Variants in GUK1 observed in about 807,000 individuals in gnomAD.
GUK1 encodes guanylate kinase.
In GUK1, 18 loss-of-function variants were observed where a neutral mutation model predicts 25.2. The ratio of observed to expected loss-of-function variants is 0.71; its 90% CI spans 0.49 to 1.06. The LOEUF is 1.06. Among genes scored for constraint, GUK1 ranks in the 50% least tolerant of loss-of-function variants. GUK1 has a pLI of 0.00. For synonymous variants in GUK1, 105 were observed against 117.6 expected (o/e 0.89, Z 0.69); for missense variants, 261 against 276.7 (o/e 0.94, Z 0.40).
At chr1:228,143,344 A>G (rs2034166232) in intron 2 of GUK1, among the ~76,000 whole-genome samples, 2 of 152,240 alleles carry the variant, frequency 1.3e-5, no homozygotes, top group Admixed American at 1.3e-4. Context: ...TCCAGCCCAC[A>G]GGACCATTTG....
intron 4 of GUK1, 68 bp from the exon 4 acceptor site, chr1:228,146,774 G>C: frequency 9.8e-7 from 1 of 1,022,100 alleles, no homozygotes; most frequent in Middle Eastern, 2.1e-4. Context: ...CTGGGTTGGG[G>C]GCAGCTGGCC....
chr1:228,143,535 A>C (rs2034182774), intron 2 of GUK1, among the ~76,000 whole-genome samples: 1 of 152,168 alleles, frequency 6.6e-6, no homozygotes, highest in Non-Finnish European at 1.5e-5. Flanking sequence ...CCCTGGCGAG[A>C]AGCAGGGGCC....
In GUK1 at chr1:228,140,363, G is replaced by A. The variant is rs745382729; in HGVS notation, c.-168G>A. Reference sequence around the variant, plus strand: ...CGCCCTGGGCCGGGCCCCACCGGACGGTGAGTACGACAAGCGCGATCGCGA... The same window carrying A: ...CGCCCTGGGCCGGGCCCCACCGGACAGTGAGTACGACAAGCGCGATCGCGA... On this transcript the variant is annotated splice_region_variant and 5_prime_UTR_variant, in exon 1 of 9. Coordinates refer to ENST00000312726, the MANE Select transcript of GUK1 (RefSeq NM_000858.7). The A allele has an allele frequency of 4.6e-6, 7 of 1,521,836 alleles. No homozygotes were observed. Among genetic ancestry groups the A allele is most frequent in the Non-Finnish European group, 6.1e-6 (7 of 1,143,090 alleles). The allele number at this position is 1,521,836 out of a possible 1,614,324, so 94.3% of individuals were successfully genotyped here.
At chr1:228,144,065 C>T (rs990654918) in intron 2 of GUK1, among the ~76,000 whole-genome samples, 6 of 146,742 alleles carry the variant, frequency 4.1e-5, no homozygotes, top group East Asian at 4.0e-4. Flanking sequence ...GCTTGGTGTG[C>T]GTGCATTTGT....
At position 228,148,357 on chromosome 1, in the gene GUK1, G is replaced by A. The variant is rs752832467; in HGVS notation, c.476-14G>A. On this transcript the variant is annotated splice_polypyrimidine_tract_variant and intron_variant, in intron 7 of 8. Coordinates refer to ENST00000312726, the MANE Select transcript of GUK1 (RefSeq NM_000858.7). ...ATGGGCTCACTGTGCCCTGACCCCA[G>A]GCCCCACCCACAGGCAAGGAGCCCG... 6.4e-7 allele frequency: 1 copy of A among 1,553,836 alleles called. No homozygotes were observed. The highest frequency in any genetic ancestry group is 1.2e-5 in the South Asian group (1 of 86,416).
intron 7 of GUK1, among the ~76,000 whole-genome samples, chr1:228,147,920 CCT>C (rs2034483458): frequency 6.6e-6 from 1 of 152,134 alleles, no homozygotes; most frequent in Non-Finnish European, 1.5e-5. Context: ...CTCAGATTTC[CCT>C]CTGTTACCCA....
chr1:228,146,948 GCGT>G lies in GUK1; in HGVS notation c.251+11_251+13del. On this transcript the variant is annotated intron_variant, in intron 5 of 8. Coordinates refer to ENST00000312726, the MANE Select transcript of GUK1 (RefSeq NM_000858.7). ...ACCTGTATGGCACGAGGTGGGCCAT[GCGT>G]GGGTGTGGGTGGGCTCCCAGGGTTG... 1 of 1,583,246 alleles carries G rather than the reference GCGT, an allele frequency of 6.3e-7. No homozygotes were observed. Among genetic ancestry groups the G allele is most frequent in the Non-Finnish European group, 8.7e-7 (1 of 1,152,102 alleles).
At chr1:228,141,718 G>A (rs771284620) in intron 2 of GUK1, 3 of 1,318,094 alleles carry the variant, frequency 2.3e-6, no homozygotes, top group East Asian at 1.1e-4. Context: ...CAGCATGGGA[G>A]CCCAGTCCAG....
chr1:228,148,118 T>C (rs1264148007), intron 7 of GUK1: 2 of 607,030 alleles, frequency 3.3e-6, no homozygotes, highest in Non-Finnish European at 6.0e-6. Flanking sequence ...GTGTAGCCCC[T>C]AACCAGAGTC....
At chr1:228,146,670 C>T in intron 4 of GUK1, 172 bp from the exon 4 acceptor site, 2 of 619,186 alleles carry the variant, frequency 3.2e-6, no homozygotes, top group Non-Finnish European at 5.9e-6. Flanking sequence ...CTGGCTCAGG[C>T]ACTTGGCAGC....
intron 2 of GUK1, among the ~76,000 whole-genome samples, chr1:228,142,661 G>A (rs1558110941): frequency 6.6e-6 from 1 of 152,092 alleles, no homozygotes; most frequent in Admixed American, 6.5e-5. Context: ...GTGGTGAAGA[G>A]ACACACCTGC....
Position 228,146,234 on chromosome 1 carries a change from C to T in GUK1, c.154+167C>T, listed in dbSNP as rs1028132152. 6.8e-5 allele frequency: 41 copies of T among 603,562 alleles called. 1 individual carries two copies. The highest frequency in any genetic ancestry group is 1.5e-4 in the African/African-American group (8 of 53,738). The allele number at this position is 603,562 out of a possible 1,614,324, so 37.4% of individuals were successfully genotyped here. A position where few individuals can be genotyped will look rare whatever the true frequency, so the allele number is the denominator to read the frequency against. ...GGTGAACTCAATCAGGGTGTCAGCG[C>T]CACAGCGTGGTGTCGCCTTCCTTGG... On this transcript the variant is annotated intron_variant, in intron 4 of 8. Transcript: ENST00000312726.
intron 1 of GUK1, 55 bp downstream of exon 1, chr1:228,140,418 C>G: frequency 6.9e-6 from 9 of 1,298,678 alleles, no homozygotes; most frequent in Non-Finnish European, 9.2e-6. Context: ...GGCAGCGGTC[C>G]CTGCGCTTTG....
Position 228,141,117 on chromosome 1 carries a change from G to A in GUK1, c.-167-7G>A. ...GTCTTTGGGCTCATGGCCCCTTCCT[G>A]TCTCAGGCTTGCTCTGCTCTTTACC... On this transcript the variant is annotated splice_polypyrimidine_tract_variant and splice_region_variant and intron_variant, in intron 1 of 8. Transcript: ENST00000312726. 1.0e-6 allele frequency: 1 copy of A among 985,340 alleles called. No homozygotes were observed. Among genetic ancestry groups the A allele is most frequent in the Non-Finnish European group, 1.2e-6 (1 of 829,804 alleles). 61.0% of individuals were successfully genotyped at this position (985,340 alleles called of 1,614,324 possible).
At chr1:228,140,177 G>A (rs116709961), upstream of GUK1, 4,138 of 797,786 alleles carry the variant, frequency 5.2e-3, 126 homozygotes, top group African/African-American at 0.061. Context: ...CTTCCCTAAG[G>A]GGCGGGGAAG....
At chr1:228,146,797 G>T in intron 4 of GUK1, 45 bp from the exon 4 acceptor site, 1 of 1,341,634 alleles carries the variant, frequency 7.5e-7, no homozygotes, top group Non-Finnish European at 1.1e-6. Context: ...GGGCACCCTG[G>T]TGCAGGTCCA....
intron 2 of GUK1, among the ~76,000 whole-genome samples, chr1:228,143,332 G>C (rs983044965): frequency 1.3e-5 from 2 of 152,178 alleles, no homozygotes; most frequent in Non-Finnish European, 2.9e-5. Context: ...GCTCACATGG[G>C]GTCCAGCCCA....
chr1:228,146,604 A>G (rs2034390677), intron 4 of GUK1: 1 of 540,340 alleles, frequency 1.9e-6, no homozygotes, highest in Non-Finnish European at 3.3e-6. Flanking sequence ...CCAACTCCCC[A>G]CTGGAACCCA....
intron 5 of GUK1, 94 bp downstream of exon 4, chr1:228,147,032 C>A (rs1226839792): frequency 7.0e-6 from 6 of 855,766 alleles, no homozygotes; most frequent in Non-Finnish European, 1.0e-5. Context: ...TCCACACCAC[C>A]CACCCCATGG....
Sources: gnomAD v4.1 joint callset for allele counts (sites outside exome capture counted in the v4.1 genomes callset) on GRCh38, gnomAD v4.1.1 for gene constraint, MANE v1.5 for transcripts, NCBI Gene and HGNC (gene_info 2026-07-23, HGNC 2026-07-21) for gene names.